The following KIAA0319 variants were observed in gnomAD, a reference collection of about 807,000 sequenced individuals.
KIAA0319 encodes the protein dyslexia-associated protein KIAA0319.
In KIAA0319, 83 loss-of-function variants were observed where a neutral mutation model predicts 108.4. That is an observed-to-expected ratio of 0.77 (90% CI 0.64 to 0.92). KIAA0319 has a LOEUF of 0.92. Among genes scored for constraint, KIAA0319 ranks in the 40% least tolerant of loss-of-function variants. KIAA0319 has a pLI of 0.00. For missense variants in KIAA0319, 1,195 were observed against 1,322.4 expected (o/e 0.90, Z 1.49); for synonymous variants, 484 against 510.4 (o/e 0.95, Z 0.70).
At chr6:24,596,814 A>T (rs1052456120) in intron 2 of KIAA0319, among the ~76,000 whole-genome samples, 196 bp from the exon 3 acceptor site, 58 of 151,946 alleles carry the variant, frequency 3.8e-4, no homozygotes, top group African/African-American at 1.4e-3. Flanking sequence ...CTACCTTCCC[A>T]CCCACTCATT....
chr6:24,564,777 C>T (rs993184229), intron 14 of KIAA0319, among the ~76,000 whole-genome samples: 13 of 152,188 alleles, frequency 8.5e-5, no homozygotes, highest in Non-Finnish European at 1.5e-4. Context: ...CCCTGTGTAG[C>T]GTCCTCTGTT....
chr6:24,601,330 C>T, intron 1 of KIAA0319, 122 bp from the exon 2 acceptor site: 10 of 1,342,718 alleles, frequency 7.4e-6, no homozygotes, highest in Non-Finnish European at 9.5e-6. Context: ...ATCACAGAGC[C>T]ACAACCCAGG....
At chr6:24,549,391 G>C (rs1581862669) in intron 20 of KIAA0319, among the ~76,000 whole-genome samples, 1 of 151,468 alleles carries the variant, frequency 6.6e-6, no homozygotes, top group East Asian at 1.9e-4. Context: ...TGAGGATGCA[G>C]TGAGGAGGCA....
intron 20 of KIAA0319, among the ~76,000 whole-genome samples, chr6:24,550,765 C>G (rs2760179): frequency 0.35 from 53,745 of 151,728 alleles, 10,733 homozygotes; most frequent in African/African-American, 0.54. Context: ...CCTCCACCCG[C>G]GAGTAGAAAA....
At chr6:24,556,896 C>T (rs1762376475) in intron 17 of KIAA0319, among the ~76,000 whole-genome samples, 167 bp from the exon 18 acceptor site, 2 of 152,154 alleles carry the variant, frequency 1.3e-5, no homozygotes, top group South Asian at 4.1e-4. Flanking sequence ...TCATCACTGA[C>T]AATCTCATCA....
intron 5 of KIAA0319, among the ~76,000 whole-genome samples, chr6:24,582,864 G>A (rs1766829442): frequency 6.6e-6 from 1 of 152,070 alleles, no homozygotes; most frequent in African/African-American, 2.4e-5. Context: ...ACATGTCTAT[G>A]TTAAGATGAA....
intron 1 of KIAA0319, among the ~76,000 whole-genome samples, chr6:24,613,631 G>A (rs1772709466): frequency 6.6e-6 from 1 of 150,546 alleles, no homozygotes; most frequent in Admixed American, 6.6e-5. Context: ...ACAAACAACT[G>A]GTTAACAAGA....
intron 3 of KIAA0319, among the ~76,000 whole-genome samples, chr6:24,590,155 A>C (rs1334359253): frequency 6.6e-6 from 1 of 152,196 alleles, no homozygotes; most frequent in African/African-American, 2.4e-5. Flanking sequence ...AGTTGAGAAA[A>C]GTCCATAAGG....
intron 11 of KIAA0319, 76 bp downstream of exon 11, chr6:24,572,499 C>A: frequency 1.3e-6 from 2 of 1,522,446 alleles, no homozygotes; most frequent in Non-Finnish European, 1.8e-6. Context: ...CCAAGTGTGG[C>A]ATCTCCAAAC....
At chr6:24,567,941 A>G (rs911381627) in intron 13 of KIAA0319, among the ~76,000 whole-genome samples, 4 of 152,170 alleles carry the variant, frequency 2.6e-5, no homozygotes, top group African/African-American at 9.7e-5. Context: ...GCCTGTTCAG[A>G]CTATTCTCTC....
At position 24,588,827 on chromosome 6, in the gene KIAA0319, A is replaced by G. The variant is rs1202890324; in HGVS notation, c.802-42T>C. The G allele has an allele frequency of 2.6e-6, 4 of 1,512,820 alleles. No individual in the cohort carries two copies. In the Admixed American group the frequency reaches 7.5e-5, roughly 28 times the overall value. 93.7% of individuals were successfully genotyped at this position (1,512,820 alleles called of 1,614,324 possible). On this transcript the variant is annotated intron_variant, in intron 3 of 20. Coordinates refer to ENST00000378214, the MANE Select transcript of KIAA0319 (RefSeq NM_014809.4). ...AAGGATAAATTGTTATTAAAAAAAA[A>G]ACAGTCCAACTCTTCAAGCAACTCA...
rs188552004 is a variant in KIAA0319, at chr6:24,612,249, C to T, written c.-105-11041G>A. 2.2e-3 allele frequency among the ~76,000 whole-genome samples: 335 copies of T among 152,056 alleles called. 1 individual carries two copies. The highest frequency in any genetic ancestry group is 6.4e-3 in the African/African-American group (265 of 41,482). On this transcript the variant is annotated intron_variant, in intron 1 of 20. Transcript: ENST00000378214. ...GGAGGATCACTTGAGTCCAGGAGTTCGAGGCAGGCCTGGAAAACACAGCGA... is the reference window on the plus strand; with the variant it reads ...GGAGGATCACTTGAGTCCAGGAGTTTGAGGCAGGCCTGGAAAACACAGCGA...
At chr6:24,577,455 G>A (rs1331462908) in intron 9 of KIAA0319, among the ~76,000 whole-genome samples, 1 of 152,230 alleles carries the variant, frequency 6.6e-6, no homozygotes, top group African/African-American at 2.4e-5. Context: ...AGAGAAGTGC[G>A]TTAACTTTCC....
At chr6:24,636,646 G>A (rs1314283661) in intron 1 of KIAA0319, among the ~76,000 whole-genome samples, 1 of 152,174 alleles carries the variant, frequency 6.6e-6, no homozygotes, top group African/African-American at 2.4e-5. Flanking sequence ...ATGACCCAAA[G>A]AAATCAACAG....
Position 24,559,101 on chromosome 6 carries a change from A to G in KIAA0319, c.2646T>C (p.Ala882=). The change falls in exon 17 of 21, where the codon GCT becomes GCC. Residue 882 remains alanine, a synonymous_variant. Transcript: ENST00000378214. The part of the protein sequence containing the change: ...QSRPPFKVLK[A]AEVARNLHMR... ...TGTGCAGATTTCGGGCCACTTCAGCAGCTTTGAGAACCTTGAAAGGCGGCC... is the reference window on the plus strand; with the variant it reads ...TGTGCAGATTTCGGGCCACTTCAGCGGCTTTGAGAACCTTGAAAGGCGGCC... 6.2e-7 allele frequency: 1 copy of G among 1,613,844 alleles called. No homozygotes were observed. Among genetic ancestry groups the G allele is most frequent in the Non-Finnish European group, 8.5e-7 (1 of 1,180,032 alleles).
chr6:24,549,138 A>G (rs1761061411), intron 20 of KIAA0319, among the ~76,000 whole-genome samples: 1 of 152,016 alleles, frequency 6.6e-6, no homozygotes, highest in Non-Finnish European at 1.5e-5. Context: ...CCTGGCTGAC[A>G]TGGAGAAACC....
In KIAA0319 at chr6:24,553,270, G is replaced by GATATATATATAT. The variant is rs1341452189; in HGVS notation, c.2948+1270_2948+1271insATATATATATAT. 2.5e-4 allele frequency among the ~76,000 whole-genome samples: 26 copies of GATATATATATAT among 105,922 alleles called. 1 individual carries two copies. The highest frequency in any genetic ancestry group is 9.9e-4 in the African/African-American group (21 of 21,296). 69.5% of individuals were successfully genotyped at this position (105,922 alleles called of 152,430 possible). On this transcript the variant is annotated intron_variant, in intron 19 of 20. Transcript: ENST00000378214. ...TGTAAGGCCACTTAGGTACTTGTGA[G>GATATATATATAT]ATAGATATATATATATATATATATA...
chr6:24,580,578 G>C (rs1766340680), intron 7 of KIAA0319, among the ~76,000 whole-genome samples: 1 of 152,180 alleles, frequency 6.6e-6, no homozygotes, highest in Non-Finnish European at 1.5e-5. Flanking sequence ...TGGTTGCTCA[G>C]TTGAATGTAT....
Position 24,596,094 on chromosome 6 carries a change from C to T in KIAA0319, c.580G>A (p.Ala194Thr). The T allele has an allele frequency of 6.2e-7, 1 of 1,613,976 alleles. No homozygotes were observed. The highest frequency in any genetic ancestry group is 8.5e-7 in the Non-Finnish European group (1 of 1,179,906). ...DWGLLPGSEG[A>T]FNSSVGDSPA... is the part of the protein sequence containing the mutation. ...CTGTCTCCAACAGAGGAGTTGAAGG[C>T]CCCCTCGCTGCCCGGCAGTAGGCCC... Residue 194 changes from alanine to threonine, a missense_variant, in exon 3 of 21, where the codon GCC (alanine) becomes ACC (threonine). Physicochemically the swap from Ala to Thr is moderately conservative, Grantham distance 58. Coordinates refer to ENST00000378214, the MANE Select transcript of KIAA0319 (RefSeq NM_014809.4).
Sources: gnomAD v4.1 joint callset for allele counts (sites outside exome capture counted in the v4.1 genomes callset) on GRCh38, gnomAD v4.1.1 for gene constraint, MANE v1.5 for transcripts, NCBI Gene and HGNC (gene_info 2026-07-23, HGNC 2026-07-21) for gene names.